The following MTHFS variants were observed in gnomAD, a reference collection of about 807,000 sequenced individuals.
The protein encoded by MTHFS is 5-formyltetrahydrofolate cyclo-ligase.
A neutral mutation model predicts 12.7 loss-of-function variants in MTHFS; 7 were observed. The ratio of observed to expected loss-of-function variants is 0.55; its 90% CI spans 0.31 to 1.03. MTHFS has a LOEUF of 1.03. Among genes scored for constraint, MTHFS ranks in the 50% least tolerant of loss-of-function variants. The probability of loss-of-function intolerance (pLI) is 0.05; values close to 1 mark genes in which losing one functional copy is unlikely to be tolerated. For synonymous variants in MTHFS, 100 were observed against 97.1 expected (o/e 1.03, Z -0.18); for missense variants, 252 against 258.1 (o/e 0.98, Z 0.16).
At chr15:79,896,848 C>G in intron 1 of MTHFS, 24 bp downstream of exon 1, 3 of 1,540,188 alleles carry the variant, frequency 1.9e-6, no homozygotes, top group South Asian at 1.2e-5. Flanking sequence ...TCCGCCGCGG[C>G]TTCCGCTACG....
rs1039863699 is a variant in MTHFS at position 79,845,374 on chromosome 15, T to C, written c.448A>G (p.Lys150Glu). 8.7e-6 allele frequency: 14 copies of C among 1,614,072 alleles called. No homozygotes were observed. Among genetic ancestry groups the C allele is most frequent in the Non-Finnish European group, 1.1e-5 (13 of 1,180,036 alleles). Residue 150 changes from lysine to glutamate, a missense_variant, in exon 3 of 3, where the codon AAG (lysine) becomes GAG (glutamate). By Grantham distance (56) the Lys-to-Glu change is moderately conservative. Transcript: ENST00000258874. ...TTCAGATAGGCATCATAGTAGCCCT[T>C]GCCCCTCCCCAGTCGGTTGCCATGT... is the stretch of plus-strand genomic sequence containing the variant. ...DKHGNRLGRG[K>E]GYYDAYLKRC...
At chr15:79,894,824 T>G (rs2034538098) in intron 1 of MTHFS, among the ~76,000 whole-genome samples, 1 of 152,190 alleles carries the variant, frequency 6.6e-6, no homozygotes, top group African/African-American at 2.4e-5. Flanking sequence ...GTCCTGCTGT[T>G]TCTCACTTAA....
intron 2 of MTHFS, among the ~76,000 whole-genome samples, chr15:79,881,354 AC>A (rs1200738103): frequency 6.6e-6 from 1 of 152,206 alleles, no homozygotes; most frequent in African/African-American, 2.4e-5. Context: ...CCCCTAAGGA[AC>A]TGTCTTTTAA....
chr15:79,878,571 C>T (rs2034240096), intron 2 of MTHFS, among the ~76,000 whole-genome samples: 1 of 149,558 alleles, frequency 6.7e-6, no homozygotes, highest in African/African-American at 2.5e-5. Flanking sequence ...CCCAGGTGGC[C>T]GTATCTCAGG....
At chr15:79,897,042 T>C, upstream of MTHFS, 1 of 1,477,212 alleles carries the variant, frequency 6.8e-7, no homozygotes, top group Non-Finnish European at 8.9e-7. Flanking sequence ...CGCCCTCGGG[T>C]TCGGTCTCCG....
chr15:79,882,890 T>C (rs1218981382), intron 2 of MTHFS, among the ~76,000 whole-genome samples: 2 of 152,234 alleles, frequency 1.3e-5, no homozygotes, highest in African/African-American at 4.8e-5. Context: ...CCGGGACCGA[T>C]GTTAACTCTT....
chr15:79,867,444 A>G (rs980750911), intron 2 of MTHFS, among the ~76,000 whole-genome samples: 54 of 151,338 alleles, frequency 3.6e-4, no homozygotes, highest in African/African-American at 1.3e-3. Context: ...TATGTCACAT[A>G]TGACAAATTT....
At chr15:79,866,021 G>A (rs2034003839) in intron 2 of MTHFS, among the ~76,000 whole-genome samples, 1 of 150,896 alleles carries the variant, frequency 6.6e-6, no homozygotes, top group South Asian at 2.1e-4. Context: ...AGAGAAAACA[G>A]TCACTGCAGT....
At chr15:79,887,037 T>C (rs757797793) in intron 2 of MTHFS, among the ~76,000 whole-genome samples, 12 of 152,044 alleles carry the variant, frequency 7.9e-5, no homozygotes, top group Non-Finnish European at 1.2e-4. Flanking sequence ...GAGTTCGAGA[T>C]CAGCCTGATC....
At chr15:79,866,320 T>C (rs1041273175) in intron 2 of MTHFS, among the ~76,000 whole-genome samples, 6 of 152,208 alleles carry the variant, frequency 3.9e-5, no homozygotes, top group Non-Finnish European at 7.3e-5. Context: ...TACCTGTACA[T>C]TATTTGGTGA....
At chr15:79,858,282 T>C (rs1042002662) in intron 2 of MTHFS, among the ~76,000 whole-genome samples, 2 of 152,052 alleles carry the variant, frequency 1.3e-5, no homozygotes, top group Non-Finnish European at 2.9e-5. Context: ...ATAATAGTAA[T>C]AAGGGGTAGA....
chr15:79,856,816 G>C (rs1481851414), intron 2 of MTHFS, among the ~76,000 whole-genome samples: 3 of 151,998 alleles, frequency 2.0e-5, no homozygotes. Context: ...AGGCATTTAG[G>C]GAAGAGTCTA....
At chr15:79,852,690 A>G (rs1041652581) in intron 2 of MTHFS, among the ~76,000 whole-genome samples, 1 of 152,222 alleles carries the variant, frequency 6.6e-6, no homozygotes, top group African/African-American at 2.4e-5. Flanking sequence ...ATTTGTCACA[A>G]AAGCATTAGA....
At chr15:79,867,529 A>G (rs2034033610) in intron 2 of MTHFS, among the ~76,000 whole-genome samples, 1 of 152,040 alleles carries the variant, frequency 6.6e-6, no homozygotes, top group Non-Finnish European at 1.5e-5. Flanking sequence ...GTAGCTTGTT[A>G]TAACTATCAA....
At chr15:79,851,682 C>A (rs1186641344) in intron 2 of MTHFS, among the ~76,000 whole-genome samples, 1 of 152,150 alleles carries the variant, frequency 6.6e-6, no homozygotes, top group African/African-American at 2.4e-5. Flanking sequence ...AACTGATGCT[C>A]AGAGAGGTCA....
Position 79,844,414 on chromosome 15 carries a change from A to T in MTHFS, c.*796T>A, listed in dbSNP as rs1279531914. 2 of 152,426 alleles carry T rather than the reference A, an allele frequency of 1.3e-5. No individual in the cohort carries two copies. Among genetic ancestry groups the T allele is most frequent in the African/African-American group, 4.8e-5 (2 of 41,428 alleles). The allele number at this position is 152,426 out of a possible 1,614,324, so 9.4% of individuals were successfully genotyped here. ...AGGATGGACATGGAGTGTGAGTAAG[A>T]GAGCCACGTGACTCCCGGGTTTCTG... On this transcript the variant is annotated 3_prime_UTR_variant, in exon 3 of 3. Transcript: ENST00000258874.
chr15:79,862,826 G>A (rs6495447), intron 2 of MTHFS, among the ~76,000 whole-genome samples: 1 of 152,100 alleles, frequency 6.6e-6, no homozygotes, highest in South Asian at 2.1e-4. Context: ...AAGGCAAATT[G>A]ATCTTGGTCC....
In MTHFS at chr15:79,889,628, G is replaced by A. The variant is rs58277609; in HGVS notation, c.118-274C>T. 0.019 allele frequency among the ~76,000 whole-genome samples: 2,943 copies of A among 152,192 alleles called. 184 individuals carry two copies. The East Asian group carries it at 0.22, about 11-fold the overall frequency. ...AAACTCATTAAAAGGTCACTGTGGA[G>A]ACAAGCTGTCTATCCAGAGAATTCC... On this transcript the variant is annotated intron_variant, in intron 1 of 2. Transcript: ENST00000258874.
At chr15:79,878,795 C>T (rs1030376986) in intron 2 of MTHFS, among the ~76,000 whole-genome samples, 7 of 151,544 alleles carry the variant, frequency 4.6e-5, no homozygotes, top group Non-Finnish European at 1.0e-4. Context: ...AAGACTTTTC[C>T]TGGGTTTCAG....
Sources: allele counts gnomAD v4.1 joint callset (sites outside exome capture counted in the v4.1 genomes callset), GRCh38; gene constraint gnomAD v4.1.1; transcripts MANE v1.5; gene names NCBI Gene and HGNC (gene_info 2026-07-23, HGNC 2026-07-21).